Variants in PDS5A observed in about 807,000 individuals in gnomAD.
PDS5A encodes PDS5 cohesin associated factor A, also known as sister chromatid cohesion protein PDS5 homolog A.
PDS5A carries 42 observed loss-of-function variants against 167.1 expected under a neutral mutation model. That is an observed-to-expected ratio of 0.25 (90% confidence interval 0.20 to 0.33). PDS5A has a LOEUF of 0.33. Ranked by LOEUF, PDS5A falls within the 10% of genes least tolerant of loss-of-function variation. The pLI, the probability that PDS5A is intolerant of heterozygous loss-of-function variation, is 1.00. For synonymous variants in PDS5A, 553 were observed against 554.6 expected (o/e 1.00, Z 0.04); for missense variants, 1,033 against 1,605.9 (o/e 0.64, Z 6.10).
At chr4:39,909,678 T>G (rs1723725331) in intron 10 of PDS5A, among the ~76,000 whole-genome samples, 1 of 152,194 alleles carries the variant, frequency 6.6e-6, no homozygotes, top group Admixed American at 6.5e-5. Context: ...CAAAAACATG[T>G]TGTTTCCCCT....
At chr4:39,828,454 A>G (rs1415410038) in intron 32 of PDS5A, among the ~76,000 whole-genome samples, 1 of 152,156 alleles carries the variant, frequency 6.6e-6, no homozygotes, top group Non-Finnish European at 1.5e-5. Context: ...TTGAGTAAAA[A>G]CCTAGTAAGA....
In PDS5A at chr4:39,977,807, G is replaced by A. The variant is rs1000622240; in HGVS notation, c.-391C>T. On this transcript the variant is annotated 5_prime_UTR_variant, in exon 1 of 33. Coordinates refer to ENST00000303538, the MANE Select transcript of PDS5A (RefSeq NM_001100399.2). The surrounding 1 kb of genome is among the most constrained non-coding windows in gnomAD (Gnocchi z 4.2). ...TCGCGCCGGCCCGGACCGCCGACTC[G>A]GACCCGGACGCCCCTCGCAGAGGCG... 9 of 149,470 alleles carry A rather than the reference G, an allele frequency of 6.0e-5. No individual in the cohort carries two copies. Among genetic ancestry groups the A allele is most frequent in the African/African-American group, 2.2e-4 (9 of 41,148 alleles). The allele number at this position is 149,470 out of a possible 1,614,324, so 9.3% of individuals were successfully genotyped here.
At position 39,898,451 on chromosome 4, in the gene PDS5A, G is replaced by A. The variant is rs1394945709; in HGVS notation, c.1708C>T (p.Arg570Trp). ...NQVLGDDEKL[R>W]SQLELLISPT... Reference sequence around the variant, plus strand: ...CTAATTAATAACTCCAACTGAGACCGAAGTTTCTCATCATCGCCGAGAACC... The same window carrying A: ...CTAATTAATAACTCCAACTGAGACCAAAGTTTCTCATCATCGCCGAGAACC... The change falls in exon 16 of 33, where the codon CGG (arginine) becomes TGG (tryptophan). Residue 570 changes from arginine to tryptophan, a missense_variant. Coordinates refer to ENST00000303538, the MANE Select transcript of PDS5A (RefSeq NM_001100399.2). The A allele has an allele frequency of 2.5e-6, 4 of 1,599,032 alleles. No individual in the cohort carries two copies. The highest frequency in any genetic ancestry group is 2.6e-6 in the Non-Finnish European group (3 of 1,172,130).
At chr4:39,876,813 T>C (rs764775450) in intron 19 of PDS5A, among the ~76,000 whole-genome samples, 180 bp downstream of exon 19, 28 of 152,158 alleles carry the variant, frequency 1.8e-4, no homozygotes, top group Non-Finnish European at 2.5e-4. Context: ...TGCATTCTAA[T>C]GGTGGGAGAG....
At chr4:39,973,261 T>A in intron 2 of PDS5A, 1 of 1,576,390 alleles carries the variant, frequency 6.3e-7, no homozygotes, top group Non-Finnish European at 8.7e-7. Context: ...TATGAACATT[T>A]GCTTTTGCTC....
At chr4:39,867,404 C>T (rs995202744) in intron 22 of PDS5A, among the ~76,000 whole-genome samples, 1 of 151,904 alleles carries the variant, frequency 6.6e-6, no homozygotes, top group African/African-American at 2.4e-5. Context: ...ACAATTTAAA[C>T]TATACAGGCC....
chr4:39,873,820 G>C (rs1273053194), intron 20 of PDS5A, among the ~76,000 whole-genome samples: 1 of 152,098 alleles, frequency 6.6e-6, no homozygotes, highest in Admixed American at 6.6e-5. Flanking sequence ...GAAGTGGGTG[G>C]ATCGCTTCAG....
chr4:39,945,501 C>T, intron 2 of PDS5A, among the ~76,000 whole-genome samples: 1 of 149,594 alleles, frequency 6.7e-6, no homozygotes, highest in Admixed American at 6.7e-5. Context: ...GGCAATGTAG[C>T]TAGTCACTCA....
At chr4:39,872,267 T>C (rs544358895) in intron 21 of PDS5A, among the ~76,000 whole-genome samples, 3 of 149,556 alleles carry the variant, frequency 2.0e-5, no homozygotes, top group African/African-American at 7.4e-5. Flanking sequence ...ACCTCTGCCT[T>C]CTGGGTTCAA....
chr4:39,930,246 A>AAAAAAAAAAAAAATTTTT, intron 2 of PDS5A, among the ~76,000 whole-genome samples: 15 of 93,166 alleles, frequency 1.6e-4, no homozygotes, highest in East Asian at 4.9e-4. Flanking sequence ...AAAAAAAAAA[A>AAAAAAAAAAAAAATTTTT]GTTTTTTTGT....
chr4:39,830,049 G>A (rs1024818996), intron 32 of PDS5A, among the ~76,000 whole-genome samples: 9 of 150,496 alleles, frequency 6.0e-5, no homozygotes, highest in Non-Finnish European at 8.8e-5. Flanking sequence ...GATATGCTGG[G>A]ATCTTAAGCC....
chr4:39,955,660 T>C (rs1728855579), intron 2 of PDS5A, among the ~76,000 whole-genome samples: 1 of 151,698 alleles, frequency 6.6e-6, no homozygotes, highest in Non-Finnish European at 1.5e-5. Flanking sequence ...AGGGGAGGCA[T>C]TACTGTGGGA....
intron 1 of PDS5A, 142 bp from the exon 2 acceptor site, chr4:39,976,759 C>G: frequency 2.1e-6 from 1 of 481,502 alleles, no homozygotes; most frequent in Non-Finnish European, 3.7e-6. Context: ...CCGCTCTTTC[C>G]CAGGGATCGA....
At position 39,865,452 on chromosome 4, in the gene PDS5A, G is replaced by A. The variant is rs1380417348; in HGVS notation, c.2642+1409C>T. 2.6e-5 allele frequency among the ~76,000 whole-genome samples: 4 copies of A among 152,196 alleles called. No individual in the cohort carries two copies. In the East Asian group the frequency reaches 7.7e-4, roughly 29 times the overall value. The stretch of plus-strand genomic sequence containing the variant: ...CACCTATAGTCCCACTACTCAGGAG[G>A]CTGAGGCAGGAGGATTGCTTGAGCC... On this transcript the variant is annotated intron_variant, in intron 23 of 32. Coordinates refer to ENST00000303538, the MANE Select transcript of PDS5A (RefSeq NM_001100399.2).
rs146064973 is a variant in PDS5A, at chr4:39,913,587, C to T, written c.992+24G>A. On this transcript the variant is annotated intron_variant, in intron 9 of 32. Coordinates refer to ENST00000303538, the MANE Select transcript of PDS5A (RefSeq NM_001100399.2). ...TACTGACTATTTTCTAAAATATAAA[C>T]ATCAGAATTATATGTTCTCTTACCG... 143 of 1,262,252 alleles carry T rather than the reference C, an allele frequency of 1.1e-4. No homozygotes were observed. In the African/African-American group the frequency reaches 1.9e-3, roughly 16 times the overall value. 78.2% of individuals were successfully genotyped at this position (1,262,252 alleles called of 1,614,324 possible). A position where few individuals can be genotyped will look rare whatever the true frequency, so the allele number is the denominator to read the frequency against.
rs1207887940 is a variant in PDS5A at position 39,854,196 on chromosome 4, G to A, written c.3087-4544C>T. ...TGCATGCCTGTAGTCCCAGCTACTC[G>A]GGATGCTAAGGCAGGAGAATCACTT... is the stretch of plus-strand genomic sequence containing the variant. On this transcript the variant is annotated intron_variant, in intron 26 of 32. Transcript: ENST00000303538. Among the ~76,000 whole-genome samples, 3 of 152,098 alleles carry A rather than the reference G, an allele frequency of 2.0e-5. 1 individual carries two copies. Among genetic ancestry groups the A allele is most frequent in the African/African-American group, 7.2e-5 (3 of 41,402 alleles).
chr4:39,968,257 A>G (rs145130847), intron 2 of PDS5A, among the ~76,000 whole-genome samples: 4 of 152,076 alleles, frequency 2.6e-5, no homozygotes, highest in South Asian at 2.1e-4. Context: ...CACCAGACCT[A>G]TAAGTGTATT....
At chr4:39,840,696 G>A (rs575488704) in intron 31 of PDS5A, among the ~76,000 whole-genome samples, 8 of 152,006 alleles carry the variant, frequency 5.3e-5, no homozygotes, top group African/African-American at 1.4e-4. Flanking sequence ...GCGCCGGGTC[G>A]CCTCCCGCAT....
rs1715731524 is a variant in PDS5A, at chr4:39,830,208, T to A, written c.4011-4720A>T. Among the ~76,000 whole-genome samples the A allele has an allele frequency of 3.3e-5, 5 of 152,014 alleles. No individual in the cohort carries two copies. In the South Asian group the frequency reaches 1.0e-3, roughly 32 times the overall value. ...AAACACTTCCTACTGTCACTACTAA[T>A]ACAGATGCCAGGCACCTATCACTCA... is the stretch of plus-strand genomic sequence containing the variant. On this transcript the variant is annotated intron_variant, in intron 32 of 32. Transcript: ENST00000303538.
Sources: allele counts gnomAD v4.1 joint callset (sites outside exome capture counted in the v4.1 genomes callset), GRCh38; gene constraint gnomAD v4.1.1; non-coding constraint Gnocchi (gnomAD v3.1); transcripts MANE v1.5; gene names NCBI Gene and HGNC (gene_info 2026-07-23, HGNC 2026-07-21).